Variants in EPB41L2 observed in about 807,000 individuals in gnomAD.
The protein encoded by EPB41L2 is erythrocyte membrane protein band 4.1 like 2.
In EPB41L2, 43 loss-of-function variants were observed where a neutral mutation model predicts 113.0. That is an observed-to-expected ratio of 0.38 (90% confidence interval 0.30 to 0.49). The LOEUF is 0.49. Ranked by LOEUF, EPB41L2 falls within the 20% of genes least tolerant of loss-of-function variation. EPB41L2 has a pLI of 0.95. For synonymous variants in EPB41L2, 442 were observed against 436.7 expected, an observed-to-expected ratio of 1.01 and a Z score of -0.15; for missense variants, 1,147 against 1,223.4, an observed-to-expected ratio of 0.94 and a Z score of 0.93.
intron 5 of EPB41L2, 71 bp from the exon 6 acceptor site, chr6:130,904,611 G>C: frequency 9.3e-7 from 1 of 1,070,324 alleles, no homozygotes; most frequent in Non-Finnish European, 1.4e-6. Context: ...AAATTTAAAG[G>C]TCAAGGATCA....
At chr6:130,936,974 A>C (rs1054409174) in intron 3 of EPB41L2, among the ~76,000 whole-genome samples, 3 of 152,238 alleles carry the variant, frequency 2.0e-5, no homozygotes, top group African/African-American at 7.2e-5. Context: ...GTAACTTTTT[A>C]TTTAGACCAG....
At chr6:130,917,516 G>T (rs1801503488) in intron 4 of EPB41L2, among the ~76,000 whole-genome samples, 1 of 152,018 alleles carries the variant, frequency 6.6e-6, no homozygotes, top group African/African-American at 2.4e-5. Flanking sequence ...CTGTTAGCTT[G>T]GTTTAACCAG....
At chr6:130,979,708 GAAGTTAGAAAGAGACTTCCAAACA>G (rs1778958443) in intron 1 of EPB41L2, among the ~76,000 whole-genome samples, 1 of 152,128 alleles carries the variant, frequency 6.6e-6, no homozygotes, top group African/African-American at 2.4e-5. Context: ...GTGGTACCAT[GAAGTTAGAAAGAGACTTCCAAACA>G]AAGTAAGAAA....
chr6:130,948,297 G>C (rs949329080), intron 3 of EPB41L2, among the ~76,000 whole-genome samples: 1 of 152,176 alleles, frequency 6.6e-6, no homozygotes, highest in Admixed American at 6.5e-5. Context: ...ACAGTAAGTT[G>C]ATTCCCTACA....
intron 17 of EPB41L2, among the ~76,000 whole-genome samples, chr6:130,864,545 G>A (rs1371502856): frequency 6.6e-6 from 1 of 152,186 alleles, no homozygotes; most frequent in African/African-American, 2.4e-5. Flanking sequence ...TGAGGCTGAG[G>A]AGATCATCTG....
intron 1 of EPB41L2, among the ~76,000 whole-genome samples, chr6:131,006,570 T>C (rs572125991): frequency 6.6e-6 from 1 of 150,950 alleles, no homozygotes; most frequent in African/African-American, 2.4e-5. Flanking sequence ...CTCAGGAGGC[T>C]AAGGCAGGAG....
intron 4 of EPB41L2, among the ~76,000 whole-genome samples, chr6:130,915,089 G>T (rs1180665874): frequency 6.6e-6 from 1 of 152,030 alleles, no homozygotes; most frequent in Non-Finnish European, 1.5e-5. Flanking sequence ...GGATCACGAG[G>T]TCAGGAGATC....
chr6:131,021,678 A>G (rs1465497782), intron 1 of EPB41L2, among the ~76,000 whole-genome samples: 1 of 152,168 alleles, frequency 6.6e-6, no homozygotes, highest in Non-Finnish European at 1.5e-5. Flanking sequence ...AAAAAAAGTA[A>G]TACAAACAAT....
chr6:131,004,117 T>A (rs1784940231), intron 1 of EPB41L2, among the ~76,000 whole-genome samples: 1 of 152,224 alleles, frequency 6.6e-6, no homozygotes, highest in Admixed American at 6.5e-5. Flanking sequence ...CGACTTGTTC[T>A]GCCTGCCTAT....
chr6:130,980,253 T>A (rs1239046910), intron 1 of EPB41L2, among the ~76,000 whole-genome samples: 2 of 151,482 alleles, frequency 1.3e-5, no homozygotes, highest in African/African-American at 4.9e-5. Context: ...AGTTTAGCAA[T>A]GAAGAAAAGG....
chr6:130,939,165 T>C (rs537986776), intron 3 of EPB41L2, among the ~76,000 whole-genome samples: 1 of 152,198 alleles, frequency 6.6e-6, no homozygotes, highest in South Asian at 2.1e-4. Flanking sequence ...AAATGTTTAA[T>C]GAATAAAGCC....
chr6:130,864,362 G>C (rs929870932), intron 17 of EPB41L2, among the ~76,000 whole-genome samples: 1 of 152,210 alleles, frequency 6.6e-6, no homozygotes, highest in Non-Finnish European at 1.5e-5. Flanking sequence ...AGATGGATGA[G>C]ATTTTTGTTG....
intron 7 of EPB41L2, 89 bp from the exon 8 acceptor site, chr6:130,899,667 T>C (rs1033254006): frequency 1.6e-6 from 2 of 1,261,608 alleles, no homozygotes; most frequent in African/African-American, 3.0e-5. Context: ...TCAGAGGGTT[T>C]GGAGGAGAGA....
In EPB41L2 at chr6:130,866,552, G is replaced by A. The variant is rs1200443264; in HGVS notation, c.2730+907C>T. On this transcript the variant is annotated intron_variant, in intron 16 of 19. Transcript: ENST00000337057. ...CAAGCTGTTCATAAGAAACCTATTT[G>A]TGCTTATGTGGGATCAAGGCACACA... 1.3e-5 allele frequency among the ~76,000 whole-genome samples: 2 copies of A among 152,144 alleles called. 1 individual carries two copies. The highest frequency in any genetic ancestry group is 3.9e-4 in the East Asian group (2 of 5,192).
chr6:130,997,278 G>T (rs1286037478), intron 1 of EPB41L2, among the ~76,000 whole-genome samples: 2 of 152,170 alleles, frequency 1.3e-5, no homozygotes, highest in Non-Finnish European at 1.5e-5. Context: ...AAATTAGAGA[G>T]TGTACTTGCC....
intron 1 of EPB41L2, among the ~76,000 whole-genome samples, chr6:130,986,570 A>T (rs374642411): frequency 9.9e-5 from 15 of 151,604 alleles, no homozygotes; most frequent in African/African-American, 3.6e-4. Flanking sequence ...ACAACTTAAG[A>T]GGTATAGGAT....
chr6:131,022,776 T>G (rs1015839849), intron 1 of EPB41L2, among the ~76,000 whole-genome samples: 30 of 152,364 alleles, frequency 2.0e-4, no homozygotes, highest in African/African-American at 7.0e-4. Context: ...CCTTTCAAAC[T>G]GTAAATAATA....
chr6:130,876,533 T>A (rs149891973), intron 14 of EPB41L2: 2 of 353,784 alleles, frequency 5.7e-6, no homozygotes, highest in East Asian at 1.5e-4. Flanking sequence ...ACACAGGGGA[T>A]TTAACTTTTT....
chr6:130,977,760 G>A (rs1778506351), intron 1 of EPB41L2, among the ~76,000 whole-genome samples: 1 of 152,180 alleles, frequency 6.6e-6, no homozygotes, highest in Non-Finnish European at 1.5e-5. Context: ...TTGCCAGTTA[G>A]CTACACGTAT....
Sources: allele counts gnomAD v4.1 joint callset (sites outside exome capture counted in the v4.1 genomes callset), GRCh38; gene constraint gnomAD v4.1.1; transcripts MANE v1.5; gene names NCBI Gene and HGNC (gene_info 2026-07-23, HGNC 2026-07-21).